Variants in ADCY2 observed in about 807,000 individuals in gnomAD.
ADCY2 encodes the protein adenylate cyclase type 2.
A neutral mutation model predicts 125.2 loss-of-function variants in ADCY2; 31 were observed. The observed-to-expected ratio is 0.25, with a 90% CI of 0.19 to 0.33. ADCY2 has a LOEUF of 0.33. Among genes scored for constraint, ADCY2 ranks in the 10% least tolerant of loss-of-function variants. The pLI is 1.00. For missense variants in ADCY2, 904 were observed against 1,418.2 expected (o/e 0.64, Z 5.82); for synonymous variants, 512 against 548.4 (o/e 0.93, Z 0.93).
intron 3 of ADCY2, among the ~76,000 whole-genome samples, chr5:7,612,339 A>T (rs1418237492): frequency 6.6e-6 from 1 of 152,234 alleles, no homozygotes; most frequent in Non-Finnish European, 1.5e-5. Flanking sequence ...TTTGGCTTTT[A>T]TGCAATGCAG....
intron 2 of ADCY2, among the ~76,000 whole-genome samples, chr5:7,487,594 G>C (rs1310058747): frequency 2.0e-5 from 3 of 152,084 alleles, no homozygotes; most frequent in African/African-American, 4.8e-5. Flanking sequence ...GAGCCATGTT[G>C]GATCTTCTTC....
intron 2 of ADCY2, among the ~76,000 whole-genome samples, chr5:7,431,949 G>A (rs58934298): frequency 0.05 from 7,592 of 151,970 alleles, 652 homozygotes; most frequent in African/African-American, 0.17. Flanking sequence ...CTGTTTTCTC[G>A]CTGGAGTGTT....
chr5:7,626,026 A>T (rs1302028008), intron 3 of ADCY2, 141 bp from the exon 4 acceptor site: 1 of 973,160 alleles, frequency 1.0e-6, no homozygotes, highest in Non-Finnish European at 1.5e-6. Flanking sequence ...AAGCAAATAA[A>T]AATGTTACTT....
rs1191390585 is a variant in ADCY2, at chr5:7,707,846, T to C, written c.1401+8T>C. 6.2e-7 allele frequency: 1 copy of C among 1,613,880 alleles called. No individual in the cohort carries two copies. The highest frequency in any genetic ancestry group is 8.5e-7 in the Non-Finnish European group (1 of 1,179,914). On this transcript the variant is annotated splice_region_variant and intron_variant, in intron 9 of 24. Transcript: ENST00000338316. Reference sequence around the variant, plus strand: ...TTTGTGATCAACCCCAAGGTCAGTATCATTGTAAAGAGTCTATGATGAAAA... The same window carrying C: ...TTTGTGATCAACCCCAAGGTCAGTACCATTGTAAAGAGTCTATGATGAAAA...
At chr5:7,744,270 A>T (rs561466717) in intron 15 of ADCY2, among the ~76,000 whole-genome samples, 7 of 152,314 alleles carry the variant, frequency 4.6e-5, no homozygotes, top group African/African-American at 1.4e-4. Context: ...TACCTAATGC[A>T]TGCGGGGCAT....
chr5:7,442,769 T>C (rs1741062072), intron 2 of ADCY2, among the ~76,000 whole-genome samples: 1 of 152,222 alleles, frequency 6.6e-6, no homozygotes, highest in Non-Finnish European at 1.5e-5. Context: ...AAAATAGGAA[T>C]AAATTGTTAA....
chr5:7,412,680 C>T (rs1487103820), intron 1 of ADCY2, among the ~76,000 whole-genome samples: 2 of 152,212 alleles, frequency 1.3e-5, no homozygotes, highest in African/African-American at 2.4e-5. Context: ...TCTGGAAACA[C>T]ACATTCTTTC....
At chr5:7,431,592 C>A (rs2126376698) in intron 2 of ADCY2, among the ~76,000 whole-genome samples, 1 of 150,336 alleles carries the variant, frequency 6.7e-6, no homozygotes, top group Middle Eastern at 3.6e-3. Context: ...CAAAATTAAA[C>A]ACTGTTACCA....
At chr5:7,452,331 T>G (rs1396223702) in intron 2 of ADCY2, among the ~76,000 whole-genome samples, 2 of 152,234 alleles carry the variant, frequency 1.3e-5, no homozygotes, top group East Asian at 3.8e-4. Context: ...TTCCACTGTA[T>G]GTTATAAGTG....
At chr5:7,540,579 G>A (rs144340251) in intron 3 of ADCY2, among the ~76,000 whole-genome samples, 16 of 152,210 alleles carry the variant, frequency 1.1e-4, no homozygotes, top group Middle Eastern at 3.4e-3. Context: ...GGCAATTTAG[G>A]CACACATGCC....
chr5:7,730,832 G>A (rs550302350), intron 14 of ADCY2, among the ~76,000 whole-genome samples: 37 of 21,646 alleles, frequency 1.7e-3, no homozygotes, highest in Non-Finnish European at 0.01. Flanking sequence ...CTTGGGGGTC[G>A]GGGGGCGGTA....
chr5:7,480,579 C>A (rs927033376), intron 2 of ADCY2, among the ~76,000 whole-genome samples: 82 of 151,912 alleles, frequency 5.4e-4, no homozygotes, highest in Admixed American at 5.4e-3. Flanking sequence ...TAGAGGGGAA[C>A]AACACACACG....
intron 15 of ADCY2, among the ~76,000 whole-genome samples, chr5:7,756,689 G>A (rs1425992626): frequency 1.3e-5 from 2 of 152,102 alleles, no homozygotes; most frequent in African/African-American, 2.4e-5. Flanking sequence ...AGGGAGGAAC[G>A]GGGAGTTGTT....
chr5:7,490,056 A>G (rs984981520), intron 2 of ADCY2, among the ~76,000 whole-genome samples: 2 of 152,148 alleles, frequency 1.3e-5, no homozygotes, highest in Admixed American at 6.5e-5. Context: ...GGTAAAAATT[A>G]TCATTCTTGG....
chr5:7,474,969 G>C (rs760340596), intron 2 of ADCY2, among the ~76,000 whole-genome samples: 1 of 152,198 alleles, frequency 6.6e-6, no homozygotes, highest in African/African-American at 2.4e-5. Context: ...GGTATCCCTG[G>C]ACCTGGGCCA....
At chr5:7,817,178 A>C (rs1745139807) in intron 23 of ADCY2, among the ~76,000 whole-genome samples, 198 bp downstream of exon 23, 1 of 152,012 alleles carries the variant, frequency 6.6e-6, no homozygotes, top group Non-Finnish European at 1.5e-5. Context: ...GACCTAGGCT[A>C]CCTGCACTCA....
chr5:7,510,062 G>A (rs927343137), intron 2 of ADCY2, among the ~76,000 whole-genome samples: 1 of 152,148 alleles, frequency 6.6e-6, no homozygotes, highest in Non-Finnish European at 1.5e-5. Context: ...CACAGAGAAG[G>A]TCTGAAAAAG....
At chr5:7,691,338 C>T (rs1419600094) in intron 5 of ADCY2, 1 of 152,326 alleles carries the variant, frequency 6.6e-6, no homozygotes, top group Non-Finnish European at 1.5e-5. Context: ...ACCAAAGTCA[C>T]AGAACACTGA....
chr5:7,626,347 A>G, intron 4 of ADCY2, 31 bp downstream of exon 4: 2 of 1,606,060 alleles, frequency 1.2e-6, no homozygotes, highest in Non-Finnish European at 1.7e-6. Flanking sequence ...CATCCACATT[A>G]TTTTAGTCAT....
Sources: allele counts gnomAD v4.1 joint callset (sites outside exome capture counted in the v4.1 genomes callset), GRCh38; gene constraint gnomAD v4.1.1; transcripts MANE v1.5; gene names NCBI Gene and HGNC (gene_info 2026-07-23, HGNC 2026-07-21).